Variants in NPNT observed in about 807,000 individuals in gnomAD.
NPNT encodes nephronectin.
Under a neutral mutation model 68.6 loss-of-function variants are expected in NPNT, and 45 were observed. The observed-to-expected ratio is 0.66, with a 90% CI of 0.52 to 0.84. The LOEUF is 0.84. Among genes scored for constraint, NPNT ranks in the 40% least tolerant of loss-of-function variants. NPNT has a pLI of 0.00. For synonymous variants in NPNT, 233 were observed against 253.3 expected (o/e 0.92, Z 0.76); for missense variants, 672 against 714.8 (o/e 0.94, Z 0.68).
At chr4:105,933,709 C>T (rs568081068) in intron 3 of NPNT, among the ~76,000 whole-genome samples, 49 of 152,126 alleles carry the variant, frequency 3.2e-4, no homozygotes, top group Non-Finnish European at 5.1e-4. Flanking sequence ...AGCTACTTTT[C>T]AGTGTCTGCA....
In NPNT at chr4:105,958,985, T is replaced by C. The variant is rs755526009; in HGVS notation, c.1247-43T>C. On this transcript the variant is annotated intron_variant, in intron 9 of 11. Coordinates refer to ENST00000379987, the MANE Select transcript of NPNT (RefSeq NM_001033047.3). The stretch of plus-strand genomic sequence containing the variant: ...TCATAGATTCATTTGTTGTTTTTTG[T>C]TGATTTTCTGATCCACTCATCTTTC... 7 of 1,282,612 alleles carry C rather than the reference T, an allele frequency of 5.5e-6. No homozygotes were observed. The African/African-American group carries it at 7.3e-5, about 13-fold the overall frequency. The allele number at this position is 1,282,612 out of a possible 1,614,324, so 79.5% of individuals were successfully genotyped here.
chr4:105,908,050 C>T (rs1200445594), intron 2 of NPNT, among the ~76,000 whole-genome samples: 1 of 151,928 alleles, frequency 6.6e-6, no homozygotes, highest in Non-Finnish European at 1.5e-5. Context: ...GTTAAATCAA[C>T]CTGTTATTCT....
intron 10 of NPNT, 140 bp downstream of exon 10, chr4:105,959,266 CA>C (rs1404057048): frequency 1.7e-6 from 1 of 582,810 alleles, no homozygotes; most frequent in African/African-American, 1.9e-5. Context: ...CCATGCCTAG[CA>C]TTTATATTTC....
Position 105,937,073 on chromosome 4 carries a change from C to T in NPNT, c.330C>T (p.Ser110=), listed in dbSNP as rs755080912. ...ACAGGTGCATGAACACTTACGGCAG[C>T]TACAAGTGCTACTGTCTCAACGGAT... ...CKHRCMNTYG[S]YKCYCLNGYM... is the part of the protein sequence containing the mutation. The change falls in exon 4 of 12, where the codon AGC becomes AGT. Residue 110 remains serine (S), a synonymous_variant. Transcript: ENST00000379987. 3.1e-6 allele frequency: 5 copies of T among 1,613,548 alleles called. No individual in the cohort carries two copies. The highest frequency in any genetic ancestry group is 1.6e-4 in the Middle Eastern group (1 of 6,062).
intron 2 of NPNT, among the ~76,000 whole-genome samples, chr4:105,920,103 G>A (rs965259253): frequency 1.9e-4 from 29 of 151,960 alleles, no homozygotes; most frequent in Non-Finnish European, 3.1e-4. Context: ...CGTAACCATA[G>A]ATTCTTTTTT....
chr4:105,916,224 T>C (rs1206643079), intron 2 of NPNT, among the ~76,000 whole-genome samples: 3 of 151,972 alleles, frequency 2.0e-5, no homozygotes, highest in Non-Finnish European at 2.9e-5. Flanking sequence ...ATTCGTACTT[T>C]TTTTTTTTTC....
chr4:105,958,657 TACACC>T (rs1731436013), intron 9 of NPNT, 100 bp downstream of exon 9: 7 of 605,596 alleles, frequency 1.2e-5, no homozygotes, highest in Non-Finnish European at 1.9e-5. Flanking sequence ...TTGGGAAAAT[TACACC>T]TGTTTTCTTT....
chr4:105,952,945 A>T (rs1730944552), intron 8 of NPNT, among the ~76,000 whole-genome samples: 1 of 152,188 alleles, frequency 6.6e-6, no homozygotes, highest in Non-Finnish European at 1.5e-5. Flanking sequence ...AGGCAGGTGG[A>T]TCACTAGGTC....
intron 2 of NPNT, among the ~76,000 whole-genome samples, chr4:105,925,834 A>G (rs58168413): frequency 2.0e-5 from 3 of 152,108 alleles, no homozygotes; most frequent in African/African-American, 7.3e-5. Context: ...TCCATCCTAC[A>G]TACCATCACC....
intron 3 of NPNT, among the ~76,000 whole-genome samples, chr4:105,928,613 CAAAA>C (rs75354182): frequency 3.2e-5 from 3 of 92,498 alleles, no homozygotes; most frequent in Middle Eastern, 4.8e-3. Flanking sequence ...AACTCTGTCT[CAAAA>C]AAAAAAAAAA....
chr4:105,959,044 T>C lies in NPNT; in HGVS notation c.1263T>C (p.Ser421=), dbSNP rs1731470855. The C allele has an allele frequency of 1.2e-6, 2 of 1,610,120 alleles. No homozygotes were observed. Among genetic ancestry groups the C allele is most frequent in the East Asian group, 4.5e-5 (2 of 44,822 alleles). Residue 421 remains serine, a synonymous_variant, in exon 10 of 12, where the codon AGT becomes AGC. Coordinates refer to ENST00000379987, the MANE Select transcript of NPNT (RefSeq NM_001033047.3). The part of the protein sequence containing the change: ...AKDDPGVLVH[S]CNFDHGLCGW... Reference sequence around the variant, plus strand: ...TCCTTGTAGGTGTTCTGGTACACAGTTGTAATTTTGACCATGGACTTTGTG... The same window carrying C: ...TCCTTGTAGGTGTTCTGGTACACAGCTGTAATTTTGACCATGGACTTTGTG...
intron 3 of NPNT, chr4:105,932,658 C>G: frequency 5.2e-6 from 8 of 1,536,078 alleles, no homozygotes; most frequent in East Asian, 2.4e-5. Flanking sequence ...TGAACAGCCT[C>G]TTTTCCAACC....
chr4:105,914,371 C>A (rs28612585), intron 2 of NPNT, among the ~76,000 whole-genome samples: 16,147 of 128,510 alleles, frequency 0.13, 1,947 homozygotes, highest in African/African-American at 0.32. Flanking sequence ...CTCTCTCTCT[C>A]TCTATATATA....
Position 105,942,443 on chromosome 4 carries a change from A to G in NPNT, c.900A>G (p.Pro300=), listed in dbSNP as rs1730054244. 1 of 1,613,942 alleles carries G rather than the reference A, an allele frequency of 6.2e-7. No individual in the cohort carries two copies. The highest frequency in any genetic ancestry group is 1.1e-5 in the South Asian group (1 of 91,074). ...VGSTWWPPKT[P]YIPPIITNRP... Reference sequence around the variant, plus strand: ...GTACTTGGTGGCCTCCGAAGACACCATATATTCCTCCTATCATTACCAACA... The same window carrying G: ...GTACTTGGTGGCCTCCGAAGACACCGTATATTCCTCCTATCATTACCAACA... The change falls in exon 8 of 12, where the codon CCA becomes CCG. Residue 300 remains proline, a synonymous_variant. Transcript: ENST00000379987.
chr4:105,971,440 A>G lies in NPNT; in HGVS notation c.*2450A>G, dbSNP rs1439730086. On this transcript the variant is annotated 3_prime_UTR_variant, in exon 12 of 12. Transcript: ENST00000379987. ...GCTGTAGATCCATTTTTAATGGTTC[A>G]TTTCCTTTATGGTCATATAACTGCA... The G allele has an allele frequency of 9.2e-6, 2 of 217,720 alleles. No individual in the cohort carries two copies. The highest frequency in any genetic ancestry group is 1.9e-5 in the Non-Finnish European group (2 of 103,232). 13.5% of individuals were successfully genotyped at this position (217,720 alleles called of 1,614,324 possible).
At position 105,970,419 on chromosome 4, in the gene NPNT, G is replaced by T; in HGVS notation, c.*1429G>T. 1 of 701,444 alleles carries T rather than the reference G, an allele frequency of 1.4e-6. No individual in the cohort carries two copies. The highest frequency in any genetic ancestry group is 2.6e-6 in the Non-Finnish European group (1 of 383,958). 43.5% of individuals were successfully genotyped at this position (701,444 alleles called of 1,614,324 possible). A position where few individuals can be genotyped will look rare whatever the true frequency, so the allele number is the denominator to read the frequency against. ...AGATGATTAAAGGGTTGGAAAAAAA[G>T]ATCTATGATGGAAAATTAAAGGAAC... On this transcript the variant is annotated 3_prime_UTR_variant, in exon 12 of 12. Transcript: ENST00000379987.
At chr4:105,926,244 T>A (rs1728669114) in intron 2 of NPNT, among the ~76,000 whole-genome samples, 1 of 152,232 alleles carries the variant, frequency 6.6e-6, no homozygotes, top group Non-Finnish European at 1.5e-5. Flanking sequence ...ATAAATATTG[T>A]TTTGAATAAG....
intron 3 of NPNT, chr4:105,932,762 A>G (rs1378839832): frequency 1.7e-6 from 2 of 1,149,240 alleles, no homozygotes; most frequent in Non-Finnish European, 2.5e-6. Flanking sequence ...TCCTGCAGTT[A>G]TGTCACTTCT....
intron 5 of NPNT, among the ~76,000 whole-genome samples, chr4:105,938,653 G>A (rs1729689581): frequency 6.6e-6 from 1 of 152,210 alleles, no homozygotes; most frequent in East Asian, 1.9e-4. Context: ...AACCCTATGT[G>A]CAAAGACACT....
Sources: gnomAD v4.1 joint callset for allele counts (sites outside exome capture counted in the v4.1 genomes callset) on GRCh38, gnomAD v4.1.1 for gene constraint, MANE v1.5 for transcripts, NCBI Gene and HGNC (gene_info 2026-07-23, HGNC 2026-07-21) for gene names.